The following RASA2 variants were observed in gnomAD, a reference collection of about 807,000 sequenced individuals.
The protein encoded by RASA2 is ras GTPase-activating protein 2.
Under a neutral mutation model 118.2 loss-of-function variants are expected in RASA2, and 155 were observed. The observed-to-expected ratio is 1.31, with a 90% CI of 1.15 to 1.50. RASA2 has a LOEUF of 1.50. Among genes scored for constraint, RASA2 ranks in the 40% most tolerant of loss-of-function variants. RASA2 has a pLI of 0.00. For missense variants in RASA2, 1,016 were observed against 1,009.6 expected (o/e 1.01, Z -0.09); for synonymous variants, 353 against 349.1 (o/e 1.01, Z -0.12).
chr3:141,576,961 T>G, intron 14 of RASA2, 39 bp from the exon 15 acceptor site: 4 of 1,307,278 alleles, frequency 3.1e-6, no homozygotes, highest in Non-Finnish European at 4.3e-6. Flanking sequence ...GTTTTTTAAT[T>G]GTTTTTGTGC....
At chr3:141,608,822 A>G in intron 21 of RASA2, 125 bp downstream of exon 21, 1 of 1,043,564 alleles carries the variant, frequency 9.6e-7, no homozygotes, top group East Asian at 2.6e-5. Flanking sequence ...TGGGACCTTG[A>G]AAAATTATGC....
chr3:141,557,035 C>A (rs541615098), intron 7 of RASA2, among the ~76,000 whole-genome samples: 1 of 152,254 alleles, frequency 6.6e-6, no homozygotes, highest in East Asian at 1.9e-4. Flanking sequence ...TGTAAAGGGC[C>A]GCTGACTAAA....
At chr3:141,564,056 G>C (rs985510980) in intron 9 of RASA2, among the ~76,000 whole-genome samples, 1 of 151,078 alleles carries the variant, frequency 6.6e-6, no homozygotes, top group Non-Finnish European at 1.5e-5. Context: ...AAGGAAACAA[G>C]TTTAGAAAGT....
intron 19 of RASA2, among the ~76,000 whole-genome samples, chr3:141,599,186 T>C (rs1481869148): frequency 6.7e-6 from 1 of 149,880 alleles, no homozygotes; most frequent in African/African-American, 2.4e-5. Flanking sequence ...AAAGTCTAAA[T>C]AAAAAGAGAC....
rs373454220 is a variant in RASA2 at position 141,573,108 on chromosome 3, C to A, written c.1285-39C>A. ...AAGTTATTTTCATTTTGTCAGACTA[C>A]TTAGAAAAAAATCATTAACTGAAAA... On this transcript the variant is annotated intron_variant, in intron 12 of 23. Transcript: ENST00000286364. 323 of 1,490,198 alleles carry A rather than the reference C, an allele frequency of 2.2e-4. No individual in the cohort carries two copies. Among genetic ancestry groups the A allele is most frequent in the Middle Eastern group, 1.8e-3 (8 of 4,534 alleles). The allele number at this position is 1,490,198 out of a possible 1,614,324, so 92.3% of individuals were successfully genotyped here.
intron 19 of RASA2, among the ~76,000 whole-genome samples, chr3:141,607,280 G>A (rs1282764834): frequency 6.6e-6 from 1 of 152,114 alleles, no homozygotes; most frequent in Non-Finnish European, 1.5e-5. Context: ...GGTAGTCATA[G>A]TCACTGCTTA....
At chr3:141,550,801 G>C (rs961441014) in intron 5 of RASA2, among the ~76,000 whole-genome samples, 1 of 152,166 alleles carries the variant, frequency 6.6e-6, no homozygotes, top group African/African-American at 2.4e-5. Flanking sequence ...AGCTTGCGGG[G>C]AGCCGAGATT....
At chr3:141,603,892 A>G (rs1017584566) in intron 19 of RASA2, among the ~76,000 whole-genome samples, 1 of 152,236 alleles carries the variant, frequency 6.6e-6, no homozygotes, top group Non-Finnish European at 1.5e-5. Flanking sequence ...TTGGAGGTTC[A>G]TTCATGTTGT....
intron 9 of RASA2, among the ~76,000 whole-genome samples, chr3:141,567,341 G>A (rs1560037559): frequency 6.6e-6 from 1 of 151,986 alleles, no homozygotes. Flanking sequence ...GCTTGAACCC[G>A]GGAGGCAGAG....
At chr3:141,515,105 A>C (rs2082003925) in intron 2 of RASA2, among the ~76,000 whole-genome samples, 1 of 152,140 alleles carries the variant, frequency 6.6e-6, no homozygotes, top group Non-Finnish European at 1.5e-5. Context: ...GAAGTCATCA[A>C]CCTCTATACT....
chr3:141,572,819 G>A, intron 12 of RASA2, 96 bp downstream of exon 12: 2 of 996,034 alleles, frequency 2.0e-6, no homozygotes, highest in Admixed American at 5.5e-5. Context: ...ATTCATTCAT[G>A]TGTTACTGAA....
At chr3:141,572,473 G>T (rs538281344) in intron 11 of RASA2, 136 bp from the exon 12 acceptor site, 6 of 587,372 alleles carry the variant, frequency 1.0e-5, no homozygotes, top group African/African-American at 1.9e-5. Flanking sequence ...TACTAAAATT[G>T]TAGGTCACTT....
intron 1 of RASA2, 35 bp downstream of exon 1, chr3:141,487,251 G>C (rs1306695037): frequency 7.7e-7 from 1 of 1,292,950 alleles, no homozygotes; most frequent in Non-Finnish European, 9.9e-7. Flanking sequence ...ACGCCCTGGC[G>C]GCGCTGGGCG....
chr3:141,492,864 A>G (rs1170896353), intron 1 of RASA2, among the ~76,000 whole-genome samples: 2 of 152,234 alleles, frequency 1.3e-5, no homozygotes, highest in African/African-American at 2.4e-5. Flanking sequence ...GGGTCTGTTA[A>G]GAGACGCTAA....
chr3:141,520,927 T>C (rs1344410716), intron 3 of RASA2, among the ~76,000 whole-genome samples: 1 of 152,102 alleles, frequency 6.6e-6, no homozygotes, highest in Non-Finnish European at 1.5e-5. Flanking sequence ...GGGTTTCAAA[T>C]AGGGCATAGG....
At chr3:141,572,553 T>G in intron 11 of RASA2, 56 bp from the exon 12 acceptor site, 1 of 1,234,350 alleles carries the variant, frequency 8.1e-7, no homozygotes. Context: ...GTATGTTATA[T>G]TATTGGTTTC....
At chr3:141,576,955 TTTAA>T in intron 14 of RASA2, 41 bp from the exon 15 acceptor site, 1 of 1,266,250 alleles carries the variant, frequency 7.9e-7, no homozygotes, top group Non-Finnish European at 1.1e-6. Context: ...ATCTTTGTTT[TTTAA>T]TTGTTTTTGT....
At position 141,553,874 on chromosome 3, in the gene RASA2, G is replaced by C. The variant is rs374891709; in HGVS notation, c.545G>C (p.Gly182Ala). ...QLVVHIKACH[G>A]LPLINGQSCD... ...TACCTTAGCATCAAGGCATGCCATG[G>C]GTTGCCTCTCATAAATGGCCAAAGC... Residue 182 changes from glycine to alanine, a missense_variant, in exon 6 of 24, where the codon GGG becomes GCG. Gly to Ala is a moderately conservative substitution (Grantham distance 60). This residue lies in a region of RASA2 where 896 missense variants were observed against 836.4 expected (regional missense o/e 1.07). Transcript: ENST00000286364. The C allele has an allele frequency of 6.2e-7, 1 of 1,611,198 alleles. No individual in the cohort carries two copies. The highest frequency in any genetic ancestry group is 1.1e-5 in the South Asian group (1 of 90,766).
intron 1 of RASA2, among the ~76,000 whole-genome samples, chr3:141,491,858 C>T (rs75276363): frequency 0.013 from 1,955 of 152,276 alleles, 57 homozygotes; most frequent in African/African-American, 0.044. Context: ...TTTAATTTGA[C>T]ATGACAGGTT....
Sources: allele counts gnomAD v4.1 joint callset (sites outside exome capture counted in the v4.1 genomes callset), GRCh38; gene constraint gnomAD v4.1.1; regional missense constraint gnomAD v4.1.1; transcripts MANE v1.5; gene names NCBI Gene and HGNC (gene_info 2026-07-23, HGNC 2026-07-21).